Variants in ADPRM observed in about 807,000 individuals in gnomAD.
The protein encoded by ADPRM is ADP-ribose/CDP-alcohol diphosphatase, manganese dependent, also known as manganese-dependent ADP-ribose/CDP-alcohol diphosphatase.
A neutral mutation model predicts 27.2 loss-of-function variants in ADPRM; 17 were observed. That is an observed-to-expected ratio of 0.63 (90% CI 0.43 to 0.94). ADPRM has a LOEUF of 0.94. Ranked by LOEUF, ADPRM falls within the 40% of genes least tolerant of loss-of-function variation. The pLI, the probability that ADPRM is intolerant of heterozygous loss-of-function variation, is 0.00. For synonymous variants in ADPRM, 135 were observed against 145.3 expected, an observed-to-expected ratio of 0.93 and a Z score of 0.51; for missense variants, 337 against 412.8, an observed-to-expected ratio of 0.82 and a Z score of 1.59.
intron 3 of ADPRM, among the ~76,000 whole-genome samples, chr17:10,707,911 G>A (rs915274631): frequency 6.6e-6 from 1 of 152,216 alleles, no homozygotes; most frequent in African/African-American, 2.4e-5. Context: ...ACACGGAACT[G>A]AATTTGGGTT....
chr17:10,698,917 G>C (rs1296377748), intron 1 of ADPRM: 1 of 152,156 alleles, frequency 6.6e-6, no homozygotes, highest in African/African-American at 2.4e-5. Context: ...ACCTTGTGTA[G>C]TCAGGCAGAT....
chr17:10,704,393 A>C (rs2074799756), intron 1 of ADPRM, among the ~76,000 whole-genome samples: 1 of 151,700 alleles, frequency 6.6e-6, no homozygotes, highest in African/African-American at 2.4e-5. Flanking sequence ...CTACCCACCA[A>C]GGAAGAGAAA....
chr17:10,707,291 C>T (rs1481260473), intron 3 of ADPRM, among the ~76,000 whole-genome samples: 3 of 152,092 alleles, frequency 2.0e-5, no homozygotes, highest in African/African-American at 7.2e-5. Context: ...AGGAGAGTTG[C>T]GTGAACCGGG....
Sources: allele counts gnomAD v4.1 joint callset (sites outside exome capture counted in the v4.1 genomes callset), GRCh38; gene constraint gnomAD v4.1.1; transcripts MANE v1.5; gene names NCBI Gene and HGNC (gene_info 2026-07-23, HGNC 2026-07-21).